Variants in TRAPPC9 observed in about 807,000 individuals in gnomAD.
The protein encoded by TRAPPC9 is IKK2 binding protein.
Under a neutral mutation model 124.0 loss-of-function variants are expected in TRAPPC9, and 83 were observed. The ratio of observed to expected loss-of-function variants is 0.67; its 90% CI spans 0.56 to 0.80. The LOEUF is 0.80. TRAPPC9 is among the 30% of genes least tolerant of loss of function. TRAPPC9 has a pLI of 0.00. For synonymous variants in TRAPPC9, 638 were observed against 617.5 expected, an observed-to-expected ratio of 1.03 and a Z score of -0.49; for missense variants, 1,302 against 1,508.3, an observed-to-expected ratio of 0.86 and a Z score of 2.27.
intron 17 of TRAPPC9, among the ~76,000 whole-genome samples, chr8:140,076,228 A>G (rs7005952): frequency 0.085 from 13,006 of 152,282 alleles, 607 homozygotes; most frequent in African/African-American, 0.13. Context: ...AGCATGGCCT[A>G]TAAATGTCCA....
intron 17 of TRAPPC9, among the ~76,000 whole-genome samples, chr8:140,078,109 T>A (rs1843614861): frequency 6.6e-6 from 1 of 152,192 alleles, no homozygotes; most frequent in African/African-American, 2.4e-5. Context: ...AAAGAAAAAC[T>A]GTCCCAGAAT....
intron 17 of TRAPPC9, among the ~76,000 whole-genome samples, chr8:140,033,658 GTTTTTTTTTTTTTTTTTTTTTTTTTTTT>G (rs776155126): frequency 7.1e-5 from 3 of 42,366 alleles, no homozygotes; most frequent in Admixed American, 3.7e-4. Context: ...TCATAATGTG[GTTTTTTTTTTTTTTTTTTTTTTTTTTTT>G]TTTTTTTTTT....
At chr8:140,255,959 G>A (rs1410448165) in intron 15 of TRAPPC9, among the ~76,000 whole-genome samples, 1 of 152,160 alleles carries the variant, frequency 6.6e-6, no homozygotes, top group Non-Finnish European at 1.5e-5. Flanking sequence ...GAGAATTGGA[G>A]GAAAGTATTA....
intron 8 of TRAPPC9, among the ~76,000 whole-genome samples, chr8:140,360,895 G>A (rs1417568225): frequency 6.6e-6 from 1 of 152,216 alleles, no homozygotes; most frequent in East Asian, 1.9e-4. Flanking sequence ...ACACCGCCAT[G>A]CCCAACTACT....
intron 21 of TRAPPC9, among the ~76,000 whole-genome samples, chr8:139,753,375 CCCAT>C (rs1321708371): frequency 4.6e-5 from 7 of 151,706 alleles, no homozygotes; most frequent in South Asian, 4.2e-4. Context: ...TCAACAACTA[CCCAT>C]CCATCCATCC....
intron 5 of TRAPPC9, among the ~76,000 whole-genome samples, chr8:140,410,201 C>G (rs1480586948): frequency 6.6e-6 from 1 of 150,412 alleles, no homozygotes; most frequent in African/African-American, 2.4e-5. Flanking sequence ...TCTGGGTAAC[C>G]CTTTTTATAT....
At chr8:140,236,439 A>T (rs1444893271) in intron 16 of TRAPPC9, among the ~76,000 whole-genome samples, 1 of 152,228 alleles carries the variant, frequency 6.6e-6, no homozygotes, top group African/African-American at 2.4e-5. Flanking sequence ...TGATGATAGA[A>T]GTCATAATTG....
rs964413837 is a variant in TRAPPC9 at position 139,907,447 on chromosome 8, T to C, written c.2964+2700A>G. Among the ~76,000 whole-genome samples the C allele has an allele frequency of 4.0e-5, 6 of 151,728 alleles. No individual in the cohort carries two copies. The highest frequency in any genetic ancestry group is 5.9e-5 in the Non-Finnish European group (4 of 67,978). On this transcript the variant is annotated intron_variant, in intron 20 of 22. Coordinates refer to ENST00000438773, the MANE Select transcript of TRAPPC9 (RefSeq NM_001160372.4). This position sits in a 1 kb window ranked among gnomAD's most constrained non-coding sequence, Gnocchi z 4.7. ...GTCTTTCCATCTGCTTGAATTCAGGTTTACAATAGCAAAATTCTGCTATTC... is the reference window on the plus strand; with the variant it reads ...GTCTTTCCATCTGCTTGAATTCAGGCTTACAATAGCAAAATTCTGCTATTC...
At chr8:140,202,526 G>A (rs2062816884) in intron 17 of TRAPPC9, among the ~76,000 whole-genome samples, 1 of 152,086 alleles carries the variant, frequency 6.6e-6, no homozygotes, top group African/African-American at 2.4e-5. Context: ...ACAATAAAAG[G>A]CCACTTTATA....
chr8:140,231,601 T>G (rs539917784), intron 16 of TRAPPC9, among the ~76,000 whole-genome samples: 129 of 142,626 alleles, frequency 9.0e-4, no homozygotes, highest in African/African-American at 3.2e-3. Flanking sequence ...CAAGCAATTC[T>G]CCTGCCTCAG....
chr8:140,017,717 C>T (rs895119927), intron 18 of TRAPPC9, among the ~76,000 whole-genome samples: 3 of 152,130 alleles, frequency 2.0e-5, no homozygotes, highest in Non-Finnish European at 1.5e-5. Flanking sequence ...TGTTCAATTT[C>T]AAAATAATTT....
chr8:140,372,469 C>T (rs2068310251), intron 7 of TRAPPC9, among the ~76,000 whole-genome samples: 1 of 152,226 alleles, frequency 6.6e-6, no homozygotes, highest in South Asian at 2.1e-4. Flanking sequence ...TACCACCTCT[C>T]GACCTTCCTT....
At chr8:140,381,821 A>T (rs1365916457) in intron 7 of TRAPPC9, among the ~76,000 whole-genome samples, 1 of 152,228 alleles carries the variant, frequency 6.6e-6, no homozygotes, top group East Asian at 1.9e-4. Flanking sequence ...GTTAATGAGG[A>T]TATAGAGAAA....
At chr8:139,797,057 T>A (rs1057178001) in intron 21 of TRAPPC9, among the ~76,000 whole-genome samples, 1 of 152,198 alleles carries the variant, frequency 6.6e-6, no homozygotes, top group African/African-American at 2.4e-5. Flanking sequence ...TTTGAAAAAA[T>A]TTCTATTCAA....
chr8:140,280,186 C>T (rs186934859), intron 14 of TRAPPC9, among the ~76,000 whole-genome samples: 1 of 152,326 alleles, frequency 6.6e-6, no homozygotes, highest in East Asian at 1.9e-4. Flanking sequence ...GCAGCCAAAG[C>T]CAGAGCTGGG....
chr8:140,334,707 ACTT>A (rs1216773637), intron 9 of TRAPPC9, among the ~76,000 whole-genome samples: 1 of 152,022 alleles, frequency 6.6e-6, no homozygotes, highest in African/African-American at 2.4e-5. Context: ...TGTATTGACT[ACTT>A]TCTAGTAGCA....
intron 5 of TRAPPC9, among the ~76,000 whole-genome samples, chr8:140,423,661 CAT>C (rs59088068): frequency 0.031 from 4,321 of 137,944 alleles, 213 homozygotes; most frequent in African/African-American, 0.1. Flanking sequence ...TACATACACA[CAT>C]ATATACACAT....
chr8:140,311,485 C>A lies in TRAPPC9; in HGVS notation c.1496-111G>T. The A allele has an allele frequency of 3.0e-6, 4 of 1,349,176 alleles. No homozygotes were observed. In the South Asian group the frequency reaches 3.6e-5, roughly 12 times the overall value. 83.6% of individuals were successfully genotyped at this position (1,349,176 alleles called of 1,614,324 possible). The stretch of plus-strand genomic sequence containing the variant: ...CAGTCCAGTGAGTCCAATCTTCTGA[C>A]AGAAATGAAGGGGCAGTGAGCAAAA... On this transcript the variant is annotated intron_variant, in intron 9 of 22. Transcript: ENST00000438773.
At chr8:140,419,880 C>T (rs982458913) in intron 5 of TRAPPC9, among the ~76,000 whole-genome samples, 1 of 151,188 alleles carries the variant, frequency 6.6e-6, no homozygotes, top group Non-Finnish European at 1.5e-5. Flanking sequence ...AGTGAGACTC[C>T]GTCTCAAAAA....
Sources: gnomAD v4.1 joint callset for allele counts (sites outside exome capture counted in the v4.1 genomes callset) on GRCh38, gnomAD v4.1.1 for gene constraint, Gnocchi (gnomAD v3.1) non-coding constraint, MANE v1.5 for transcripts, NCBI Gene and HGNC (gene_info 2026-07-23, HGNC 2026-07-21) for gene names.